The following NRG3 variants were observed in gnomAD, a reference collection of about 807,000 sequenced individuals.
The protein encoded by NRG3 is pro-neuregulin-3, membrane-bound isoform.
Under a neutral mutation model 66.9 loss-of-function variants are expected in NRG3, and 31 were observed. The observed-to-expected ratio is 0.46, with a 90% CI of 0.35 to 0.63. NRG3 has a LOEUF of 0.63. NRG3 is among the 20% of genes least tolerant of loss of function. The pLI, the probability that NRG3 is intolerant of heterozygous loss-of-function variation, is 0.00. For synonymous variants in NRG3, 393 were observed against 359.4 expected (o/e 1.09, Z -1.06); for missense variants, 910 against 878.9 (o/e 1.04, Z -0.45).
Position 81,875,805 on chromosome 10 carries a change from C to G in NRG3, c.465C>G (p.Ser155Arg). The change falls in exon 1 of 9, where the codon AGC becomes AGG. Residue 155 changes from serine (S) to arginine (R), a missense_variant. Transcript: ENST00000372141. This position sits in a 1 kb window ranked among gnomAD's most constrained non-coding sequence, Gnocchi z 5.3. ...AASSRTPNRI[S>R]TRLTTITRAP... The stretch of plus-strand genomic sequence containing the variant: ...CCTCCAGGACGCCCAACCGGATTAG[C>G]ACTCGCCTGACCACCATCACGCGGG... 1 of 1,609,912 alleles carries G rather than the reference C, an allele frequency of 6.2e-7. No individual in the cohort carries two copies. Among genetic ancestry groups the G allele is most frequent in the Middle Eastern group, 1.6e-4 (1 of 6,062 alleles).
intron 2 of NRG3, among the ~76,000 whole-genome samples, chr10:82,500,818 T>C (rs1844104520): frequency 1.3e-5 from 2 of 152,124 alleles, no homozygotes; most frequent in African/African-American, 4.8e-5. Flanking sequence ...TGTATAAACC[T>C]GTGGAAAAAC....
intron 2 of NRG3, among the ~76,000 whole-genome samples, chr10:82,441,567 G>C (rs2090433503): frequency 6.6e-6 from 1 of 152,156 alleles, no homozygotes. Context: ...TGACTGTCCT[G>C]GTTTTGCAGG....
At chr10:82,523,884 C>A (rs1253184093) in intron 2 of NRG3, among the ~76,000 whole-genome samples, 1 of 152,050 alleles carries the variant, frequency 6.6e-6, no homozygotes, top group Non-Finnish European at 1.5e-5. Flanking sequence ...GATTGAATTT[C>A]TCTGTGTTCT....
intron 2 of NRG3, among the ~76,000 whole-genome samples, chr10:82,735,471 A>G (rs2058107945): frequency 6.6e-6 from 1 of 152,238 alleles, no homozygotes; most frequent in African/African-American, 2.4e-5. Flanking sequence ...TTTTTATTGC[A>G]ACACTATTTG....
At chr10:82,163,949 C>A (rs1470243344) in intron 1 of NRG3, among the ~76,000 whole-genome samples, 1 of 143,046 alleles carries the variant, frequency 7.0e-6, no homozygotes, top group Non-Finnish European at 1.5e-5. Flanking sequence ...GAGATGGAGT[C>A]TCGCTCTGTT....
chr10:82,377,388 A>T (rs1044247994), intron 2 of NRG3, among the ~76,000 whole-genome samples: 3 of 151,940 alleles, frequency 2.0e-5, no homozygotes, highest in Admixed American at 6.6e-5. Flanking sequence ...GGATGAGGGT[A>T]AGTAATCTGA....
chr10:82,078,446 G>A (rs1346503327), intron 1 of NRG3, among the ~76,000 whole-genome samples: 3 of 152,174 alleles, frequency 2.0e-5, no homozygotes, highest in Non-Finnish European at 4.4e-5. Flanking sequence ...CGCCTCCCGC[G>A]TTCATGCCAT....
chr10:82,518,943 A>AG (rs1201621126), intron 2 of NRG3, among the ~76,000 whole-genome samples: 1 of 152,218 alleles, frequency 6.6e-6, no homozygotes, highest in Non-Finnish European at 1.5e-5. Context: ...GTAGAGGTCA[A>AG]GGGGAAATGA....
intron 3 of NRG3, among the ~76,000 whole-genome samples, chr10:82,837,956 G>T (rs570227043): frequency 6.6e-6 from 1 of 152,192 alleles, no homozygotes; most frequent in African/African-American, 2.4e-5. Flanking sequence ...TGTGGAAATT[G>T]GCTTATTTCA....
intron 3 of NRG3, among the ~76,000 whole-genome samples, chr10:82,834,045 C>T (rs1304217809): frequency 6.6e-6 from 1 of 152,132 alleles, no homozygotes; most frequent in Non-Finnish European, 1.5e-5. Context: ...AGAGATCAGC[C>T]AGTACAAAAT....
At chr10:82,690,009 ACTT>A (rs1212053817) in intron 2 of NRG3, among the ~76,000 whole-genome samples, 1 of 152,152 alleles carries the variant, frequency 6.6e-6, no homozygotes, top group Non-Finnish European at 1.5e-5. Context: ...CCATTTCCTT[ACTT>A]CTTTTTGCCT....
At chr10:82,715,233 A>C (rs561414712) in intron 2 of NRG3, among the ~76,000 whole-genome samples, 1 of 152,138 alleles carries the variant, frequency 6.6e-6, no homozygotes, top group Admixed American at 6.6e-5. Context: ...CATCGCTACC[A>C]AAAAATACAA....
intron 2 of NRG3, among the ~76,000 whole-genome samples, chr10:82,533,808 T>C (rs1159291888): frequency 6.6e-6 from 1 of 152,154 alleles, no homozygotes; most frequent in East Asian, 1.9e-4. Flanking sequence ...ATTGTGCCTG[T>C]TGCAGACAAC....
intron 2 of NRG3, among the ~76,000 whole-genome samples, chr10:82,732,513 A>T (rs1002453239): frequency 1.3e-5 from 2 of 152,218 alleles, no homozygotes; most frequent in African/African-American, 4.8e-5. Context: ...CTGAGTTTGT[A>T]TGTAGTTCAA....
intron 2 of NRG3, among the ~76,000 whole-genome samples, chr10:82,680,679 T>A (rs2054047498): frequency 6.6e-6 from 1 of 152,160 alleles, no homozygotes; most frequent in Non-Finnish European, 1.5e-5. Context: ...GGGTTGACGT[T>A]TGCTCTGCAT....
chr10:82,616,449 A>C (rs529450155), intron 2 of NRG3, among the ~76,000 whole-genome samples: 1 of 152,290 alleles, frequency 6.6e-6, no homozygotes, highest in South Asian at 2.1e-4. Flanking sequence ...GCTAGAGGTA[A>C]TGGTGTAAGC....
chr10:81,942,624 C>T (rs745649514), intron 1 of NRG3, among the ~76,000 whole-genome samples: 2 of 152,124 alleles, frequency 1.3e-5, no homozygotes, highest in Non-Finnish European at 2.9e-5. Context: ...TCTCAAGTTT[C>T]CCAACTCTGT....
At chr10:82,170,500 A>G in intron 1 of NRG3, among the ~76,000 whole-genome samples, 1 of 151,434 alleles carries the variant, frequency 6.6e-6, no homozygotes, top group East Asian at 1.9e-4. Context: ...GAAAATCCAT[A>G]TGGTTCACCA....
At chr10:82,551,930 TC>T (rs1319810764) in intron 2 of NRG3, among the ~76,000 whole-genome samples, 2 of 152,148 alleles carry the variant, frequency 1.3e-5, no homozygotes, top group Non-Finnish European at 2.9e-5. Flanking sequence ...TACATGTTCA[TC>T]CACCATTCTC....
Sources: gnomAD v4.1 joint callset for allele counts (sites outside exome capture counted in the v4.1 genomes callset) on GRCh38, gnomAD v4.1.1 for gene constraint, Gnocchi (gnomAD v3.1) non-coding constraint, MANE v1.5 for transcripts, NCBI Gene and HGNC (gene_info 2026-07-23, HGNC 2026-07-21) for gene names.